The following DCDC1 variants were observed in gnomAD, a reference collection of about 807,000 sequenced individuals.
DCDC1 encodes the protein doublecortin domain-containing protein 1.
A neutral mutation model predicts 178.3 loss-of-function variants in DCDC1; 200 were observed. The observed-to-expected ratio is 1.12, with a 90% CI of 1.00 to 1.26. The LOEUF is 1.26. DCDC1 is among the 50% of genes most tolerant of loss of function. The probability of loss-of-function intolerance (pLI) is 0.00; values close to 1 mark genes in which losing one functional copy is unlikely to be tolerated. For synonymous variants in DCDC1, 690 were observed against 604.8 expected, an observed-to-expected ratio of 1.14 and a Z score of -2.07; for missense variants, 1,983 against 1,749.2, an observed-to-expected ratio of 1.13 and a Z score of -2.38.
intron 24 of DCDC1, 105 bp from the exon 25 acceptor site, chr11:30,921,040 T>C: frequency 8.1e-7 from 1 of 1,238,456 alleles, no homozygotes; most frequent in East Asian, 2.6e-5. Flanking sequence ...ATTCCATCTA[T>C]TTGGTCTATT....
intron 32 of DCDC1, among the ~76,000 whole-genome samples, chr11:30,901,954 G>T (rs1438037072): frequency 3.3e-5 from 5 of 152,034 alleles, no homozygotes; most frequent in Admixed American, 2.0e-4. Flanking sequence ...ATATGTGCGT[G>T]TGTGTATATA....
At chr11:31,307,516 A>ACAAAAC (rs891243051) in intron 4 of DCDC1, 123 bp downstream of exon 4, 2 of 1,354,702 alleles carry the variant, frequency 1.5e-6, no homozygotes, top group Middle Eastern at 4.2e-4. Flanking sequence ...AAAAACAAAA[A>ACAAAAC]CAAAACCCGA....
chr11:31,081,977 A>G (rs1328702205), intron 17 of DCDC1, among the ~76,000 whole-genome samples: 2 of 152,230 alleles, frequency 1.3e-5, no homozygotes, highest in Non-Finnish European at 2.9e-5. Flanking sequence ...GACATTTCAT[A>G]TGCAGAAAAA....
At chr11:30,998,428 T>A (rs538427858) in intron 20 of DCDC1, among the ~76,000 whole-genome samples, 1 of 152,226 alleles carries the variant, frequency 6.6e-6, no homozygotes, top group East Asian at 1.9e-4. Context: ...ATAATGATAG[T>A]ATTAAATTGT....
chr11:31,178,188 CAG>C (rs1968324919), intron 9 of DCDC1, among the ~76,000 whole-genome samples: 2 of 152,182 alleles, frequency 1.3e-5, no homozygotes, highest in Admixed American at 1.3e-4. Context: ...GGCATAAAAA[CAG>C]ACTCACAGAC....
At chr11:31,010,914 G>A (rs930411325) in intron 20 of DCDC1, among the ~76,000 whole-genome samples, 7 of 151,814 alleles carry the variant, frequency 4.6e-5, no homozygotes, top group South Asian at 2.1e-4. Flanking sequence ...CATGAATACC[G>A]TATAGATATT....
chr11:31,360,926 A>T (rs899123073), intron 1 of DCDC1, among the ~76,000 whole-genome samples: 7 of 152,232 alleles, frequency 4.6e-5, no homozygotes, highest in African/African-American at 1.7e-4. Context: ...GTCATCAGAT[A>T]TGGAGAGTAA....
At chr11:31,201,781 T>C (rs1351239775) in intron 9 of DCDC1, among the ~76,000 whole-genome samples, 1 of 151,948 alleles carries the variant, frequency 6.6e-6, no homozygotes, top group East Asian at 1.9e-4. Flanking sequence ...AAAAGTATGA[T>C]ATATGACAGT....
At chr11:31,089,350 G>A (rs964143247) in intron 17 of DCDC1, among the ~76,000 whole-genome samples, 1 of 152,016 alleles carries the variant, frequency 6.6e-6, no homozygotes, top group African/African-American at 2.4e-5. Context: ...TGTTCTCTCT[G>A]CTTTTAAGAT....
chr11:30,945,799 T>G (rs1948004162), intron 21 of DCDC1, among the ~76,000 whole-genome samples: 1 of 151,776 alleles, frequency 6.6e-6, no homozygotes, highest in South Asian at 2.1e-4. Flanking sequence ...CTATGAAATT[T>G]GTAATAATTA....
intron 9 of DCDC1, among the ~76,000 whole-genome samples, chr11:31,157,204 T>C (rs1298332291): frequency 6.6e-6 from 1 of 150,542 alleles, no homozygotes; most frequent in Non-Finnish European, 1.5e-5. Context: ...CAAAGCAAGA[T>C]TCCCTCTCCA....
chr11:30,933,359 A>T (rs534580171), intron 21 of DCDC1, among the ~76,000 whole-genome samples: 97 of 151,806 alleles, frequency 6.4e-4, no homozygotes, highest in African/African-American at 2.0e-3. Context: ...TTTTGTTAAT[A>T]TTTTTTCTTG....
intron 25 of DCDC1, 108 bp downstream of exon 25, chr11:30,920,668 T>C: frequency 7.4e-7 from 1 of 1,354,866 alleles, no homozygotes; most frequent in African/African-American, 1.5e-5. Flanking sequence ...GCCATTAGTT[T>C]CACAAACTTG....
chr11:31,295,920 C>T (rs949111490), intron 6 of DCDC1, among the ~76,000 whole-genome samples: 2 of 152,100 alleles, frequency 1.3e-5, no homozygotes, highest in Admixed American at 1.3e-4. Context: ...CTGTCTCTGC[C>T]TCCTAAAATC....
intron 9 of DCDC1, among the ~76,000 whole-genome samples, chr11:31,192,642 C>T (rs996103461): frequency 1.3e-5 from 2 of 152,218 alleles, no homozygotes; most frequent in East Asian, 3.9e-4. Context: ...ATGTGTCATT[C>T]CCTTCTCTGT....
intron 9 of DCDC1, among the ~76,000 whole-genome samples, chr11:31,225,470 G>A (rs1355484959): frequency 1.3e-5 from 2 of 151,192 alleles, no homozygotes; most frequent in African/African-American, 4.9e-5. Context: ...CACCACTCAA[G>A]AACTTATCCA....
At chr11:30,881,022 T>A (rs577175105) in intron 37 of DCDC1, 136 bp downstream of exon 37, 1 of 997,630 alleles carries the variant, frequency 1.0e-6, no homozygotes, top group East Asian at 2.7e-5. Context: ...AAATTTAACT[T>A]CCATAACATG....
intron 15 of DCDC1, among the ~76,000 whole-genome samples, chr11:31,099,825 TC>T: frequency 6.6e-6 from 1 of 151,792 alleles, no homozygotes; most frequent in South Asian, 2.1e-4. Flanking sequence ...TTCAAGCAAT[TC>T]TCCTGCCTCA....
At chr11:30,975,648 A>G (rs1300947856) in intron 20 of DCDC1, among the ~76,000 whole-genome samples, 6 of 151,976 alleles carry the variant, frequency 3.9e-5, no homozygotes, top group Non-Finnish European at 8.8e-5. Context: ...CTAGCAATAG[A>G]TTTAACCAAA....
Sources: allele counts gnomAD v4.1 joint callset (sites outside exome capture counted in the v4.1 genomes callset), GRCh38; gene constraint gnomAD v4.1.1; transcripts MANE v1.5; gene names NCBI Gene and HGNC (gene_info 2026-07-23, HGNC 2026-07-21).